The following CHRM3 variants were observed in gnomAD, a reference collection of about 807,000 sequenced individuals.
CHRM3 encodes muscarinic acetylcholine receptor M3.
CHRM3 carries 11 observed loss-of-function variants against 41.8 expected under a neutral mutation model. That is an observed-to-expected ratio of 0.26 (90% CI 0.17 to 0.44). The LOEUF is 0.44. CHRM3 is among the 20% of genes least tolerant of loss of function. CHRM3 has a pLI of 1.00. For missense variants in CHRM3, 571 were observed against 745.4 expected (o/e 0.77, Z 2.72); for synonymous variants, 297 against 301.4 (o/e 0.99, Z 0.15).
chr1:239,443,588 G>C (rs923064397), intron 1 of CHRM3, among the ~76,000 whole-genome samples: 2 of 152,196 alleles, frequency 1.3e-5, no homozygotes, highest in Non-Finnish European at 2.9e-5. Flanking sequence ...GACATGGAAA[G>C]CTGGAAATAA....
chr1:239,503,023 C>G (rs1311402528), intron 2 of CHRM3, among the ~76,000 whole-genome samples: 2 of 152,106 alleles, frequency 1.3e-5, no homozygotes, highest in Non-Finnish European at 2.9e-5. Context: ...CCACTCTCAC[C>G]ACTCCTCTTC....
chr1:239,617,833 C>A (rs1044720039), intron 3 of CHRM3, among the ~76,000 whole-genome samples: 1 of 152,160 alleles, frequency 6.6e-6, no homozygotes, highest in African/African-American at 2.4e-5. Flanking sequence ...GCCTTCTTCA[C>A]ACACACATGC....
chr1:239,806,485 G>A (rs979593077), intron 5 of CHRM3, among the ~76,000 whole-genome samples: 1 of 151,984 alleles, frequency 6.6e-6, no homozygotes, highest in Non-Finnish European at 1.5e-5. Flanking sequence ...AATCTATTGG[G>A]AGCAGATGGG....
chr1:239,683,468 G>T (rs1288950512), intron 5 of CHRM3, among the ~76,000 whole-genome samples: 1 of 152,194 alleles, frequency 6.6e-6, no homozygotes, highest in Non-Finnish European at 1.5e-5. Flanking sequence ...TTTATTAGCA[G>T]CTCATCTAGA....
chr1:239,590,071 C>T lies in CHRM3; in HGVS notation c.-312-42153C>T, dbSNP rs779724531. ...ATGTAGATGGTCTTGGACCTAAAAT[C>T]GTGGCTGTGATGGATCCACAAGATT... On this transcript the variant is annotated intron_variant, in intron 3 of 6. Coordinates refer to ENST00000676153, the MANE Select transcript of CHRM3 (RefSeq NM_001375978.1). Among the ~76,000 whole-genome samples, 7 of 152,016 alleles carry T rather than the reference C, an allele frequency of 4.6e-5. No homozygotes were observed. In the East Asian group the frequency reaches 7.7e-4, roughly 17 times the overall value.
chr1:239,866,628 A>G (rs1205873578), intron 6 of CHRM3, among the ~76,000 whole-genome samples: 1 of 152,200 alleles, frequency 6.6e-6, no homozygotes, highest in African/African-American at 2.4e-5. Flanking sequence ...TCACATCTTT[A>G]TATTGGTTGT....
intron 2 of CHRM3, among the ~76,000 whole-genome samples, chr1:239,544,498 ACTT>A (rs1016571925): frequency 2.0e-5 from 3 of 152,178 alleles, no homozygotes; most frequent in Admixed American, 6.5e-5. Flanking sequence ...ATATATTTGA[ACTT>A]CATTCAAATG....
chr1:239,437,705 C>T lies in CHRM3; in HGVS notation c.-521+50478C>T, dbSNP rs141120278. Among the ~76,000 whole-genome samples, 991 of 151,938 alleles carry T rather than the reference C, an allele frequency of 6.5e-3. 13 individuals carry two copies. The highest frequency in any genetic ancestry group is 0.022 in the African/African-American group (924 of 41,442). ...GCATGCATCACACCCTCTTATTGGG[C>T]CTGTGCACACCATTGAAGTGGAGGC... On this transcript the variant is annotated intron_variant, in intron 1 of 6. Coordinates refer to ENST00000676153, the MANE Select transcript of CHRM3 (RefSeq NM_001375978.1).
At chr1:239,768,039 G>A (rs561111748) in intron 5 of CHRM3, among the ~76,000 whole-genome samples, 3 of 152,176 alleles carry the variant, frequency 2.0e-5, no homozygotes, top group Middle Eastern at 6.8e-3. Context: ...TATGTCAATA[G>A]ATACGATTAA....
intron 6 of CHRM3, among the ~76,000 whole-genome samples, chr1:239,894,699 G>T (rs550388511): frequency 6.6e-6 from 1 of 151,874 alleles, no homozygotes; most frequent in Non-Finnish European, 1.5e-5. Flanking sequence ...TCCCAAAGTG[G>T]TGGTATTACA....
intron 2 of CHRM3, among the ~76,000 whole-genome samples, chr1:239,538,741 G>C (rs939642875): frequency 6.6e-6 from 1 of 152,108 alleles, no homozygotes; most frequent in African/African-American, 2.4e-5. Context: ...AACATGAAAT[G>C]ACAGTTGCCT....
intron 3 of CHRM3, among the ~76,000 whole-genome samples, chr1:239,603,403 T>G (rs1415238383): frequency 1.3e-5 from 2 of 152,034 alleles, no homozygotes; most frequent in Non-Finnish European, 2.9e-5. Flanking sequence ...TACCATTCAG[T>G]GATAGGCAAG....
intron 1 of CHRM3, among the ~76,000 whole-genome samples, chr1:239,412,898 G>A (rs1661210826): frequency 6.6e-6 from 1 of 151,852 alleles, no homozygotes; most frequent in African/African-American, 2.4e-5. Context: ...GGCCAACATG[G>A]TGAAACCCGT....
chr1:239,844,158 T>C (rs1674073279), intron 6 of CHRM3, among the ~76,000 whole-genome samples: 1 of 152,192 alleles, frequency 6.6e-6, no homozygotes, highest in Non-Finnish European at 1.5e-5. Context: ...ATGCTTCCTA[T>C]AGTTCTCTTG....
At chr1:239,810,462 T>A (rs1671031017) in intron 5 of CHRM3, among the ~76,000 whole-genome samples, 1 of 152,008 alleles carries the variant, frequency 6.6e-6, no homozygotes, top group Non-Finnish European at 1.5e-5. Context: ...TGCTGTGAGA[T>A]CAAAGAAAAT....
In CHRM3 at chr1:239,651,699, G is replaced by C. The variant is rs138784259; in HGVS notation, c.-250+19413G>C. Among the ~76,000 whole-genome samples the C allele has an allele frequency of 3.8e-3, 576 of 152,298 alleles. 4 individuals are homozygous for C. Among genetic ancestry groups the C allele is most frequent in the African/African-American group, 0.013 (556 of 41,546 alleles). ...CAGCAGCAGCATCACCTAGAAGCTT[G>C]TTGGAAATGCAGAATCTTAGACCCT... On this transcript the variant is annotated intron_variant, in intron 4 of 6. Coordinates refer to ENST00000676153, the MANE Select transcript of CHRM3 (RefSeq NM_001375978.1).
At chr1:239,410,480 G>A (rs1660979540) in intron 1 of CHRM3, among the ~76,000 whole-genome samples, 1 of 152,150 alleles carries the variant, frequency 6.6e-6, no homozygotes, top group Admixed American at 6.5e-5. Flanking sequence ...CATTTTCAAG[G>A]CCTAGAGGGC....
chr1:239,536,239 A>T (rs1051587911), intron 2 of CHRM3, among the ~76,000 whole-genome samples: 2 of 152,164 alleles, frequency 1.3e-5, no homozygotes, highest in Admixed American at 6.5e-5. Flanking sequence ...CCCCAAATGG[A>T]CAGTGTCTTG....
chr1:239,531,682 C>T (rs1178012838), intron 2 of CHRM3, among the ~76,000 whole-genome samples: 1 of 91,474 alleles, frequency 1.1e-5, no homozygotes, highest in Non-Finnish European at 1.9e-5. Context: ...TTTTTGGAGG[C>T]AGAGTCTCGC....
Sources: gnomAD v4.1 joint callset for allele counts (sites outside exome capture counted in the v4.1 genomes callset) on GRCh38, gnomAD v4.1.1 for gene constraint, MANE v1.5 for transcripts, NCBI Gene and HGNC (gene_info 2026-07-23, HGNC 2026-07-21) for gene names.